TEFM: variants seen among roughly 807,000 people sequenced by gnomAD.
TEFM encodes the protein transcription elongation factor of mitochondria.
A neutral mutation model predicts 23.0 loss-of-function variants in TEFM; 14 were observed. The observed-to-expected ratio is 0.61, with a 90% CI of 0.40 to 0.95. TEFM has a LOEUF of 0.95. TEFM is among the 40% of genes least tolerant of loss of function. TEFM has a pLI of 0.00. For synonymous variants in TEFM, 155 were observed against 158.3 expected, an observed-to-expected ratio of 0.98 and a Z score of 0.16; for missense variants, 386 against 425.5, an observed-to-expected ratio of 0.91 and a Z score of 0.82.
chr17:30,904,396 C>T lies in TEFM; in HGVS notation c.165G>A (p.Lys55=). The T allele has an allele frequency of 6.2e-7, 1 of 1,614,164 alleles. No homozygotes were observed. Residue 55 remains lysine, a synonymous_variant, in exon 2 of 4, where the codon AAG becomes AAA. Transcript: ENST00000581216. ...PNVTFCDENA[K]EPENALDKLF... ...GCTTGTCAAGTGCATTTTCGGGCTC[C>T]TTTGCATTTTCATCACAAAAAGTAA...
chr17:30,904,461 G>C lies in TEFM; in HGVS notation c.100C>G (p.Arg34Gly), dbSNP rs201502850. The change falls in exon 2 of 4, where the codon CGG (arginine) becomes GGG (glycine). Residue 34 changes from arginine to glycine, a missense_variant. Transcript: ENST00000581216. ...LYWALHNFCCRKKSTTPKKIT... is the reference protein window; with the variant it reads ...LYWALHNFCCGKKSTTPKKIT... ...TTCTTAGGTGTAGTGGATTTTTTCC[G>C]ACAGCAGAAATTATGTAAGGCCCAG... 1.2e-6 allele frequency: 2 copies of C among 1,614,056 alleles called. No individual in the cohort carries two copies. Among genetic ancestry groups the C allele is most frequent in the South Asian group, 1.1e-5 (1 of 91,066 alleles).
Position 30,904,305 on chromosome 17 carries a change from CA to C in TEFM, c.255del (p.Glu86LysfsTer15), listed in dbSNP as rs1567706598. 1 of 1,614,234 alleles carries C rather than the reference CA, an allele frequency of 6.2e-7. No individual in the cohort carries two copies. Among genetic ancestry groups the C allele is most frequent in the Non-Finnish European group, 8.5e-7 (1 of 1,180,048 alleles). On this transcript the variant is annotated frameshift_variant, in exon 2 of 4. Transcript: ENST00000581216. LOFTEE classifies it high-confidence loss of function. ...HVLNTASTKE[L>X]EAFRLLRGRR... ...CTTCCACGAAGCAATCGGAAAGCTTCAAGTTCTTTAGTAGATGCTGTATTCA... is the reference window on the plus strand; with the variant it reads ...CTTCCACGAAGCAATCGGAAAGCTTCAGTTCTTTAGTAGATGCTGTATTCA...
At chr17:30,904,004 A>T (rs747019018) in intron 2 of TEFM, 62 bp downstream of exon 2, 2 of 1,463,976 alleles carry the variant, frequency 1.4e-6, no homozygotes, top group South Asian at 1.3e-5. Flanking sequence ...CAATGCCCAG[A>T]AGAGTGCTTT....
chr17:30,903,136 C>CAAAAAA (rs1173542105), intron 2 of TEFM, among the ~76,000 whole-genome samples: 5 of 67,112 alleles, frequency 7.5e-5, no homozygotes, highest in African/African-American at 1.6e-4. Flanking sequence ...GACTCTGTCT[C>CAAAAAA]AAAAAAAAAA....
rs1910122540 is a variant in TEFM, at chr17:30,904,466, C to A, written c.95G>T (p.Cys32Phe). The change falls in exon 2 of 4, where the codon TGC (cysteine) becomes TTC (phenylalanine). Residue 32 changes from cysteine to phenylalanine, a missense_variant. Transcript: ENST00000581216. ...AGGTGTAGTGGATTTTTTCCGACAG[C>A]AGAAATTATGTAAGGCCCAGTACAG... ...SSLYWALHNF[C>F]CRKKSTTPKK... 2 of 1,613,952 alleles carry A rather than the reference C, an allele frequency of 1.2e-6. No individual in the cohort carries two copies. The highest frequency in any genetic ancestry group is 2.2e-5 in the South Asian group (2 of 91,082).
intron 1 of TEFM, among the ~76,000 whole-genome samples, chr17:30,905,778 A>G (rs892863520): frequency 1.3e-5 from 2 of 152,174 alleles, no homozygotes. Context: ...AGCCACAGGA[A>G]AGTAATGTGG....
chr17:30,904,274 G>T lies in TEFM; in HGVS notation c.287C>A (p.Ser96Tyr). 6.2e-7 allele frequency: 1 copy of T among 1,614,186 alleles called. No individual in the cohort carries two copies. The highest frequency in any genetic ancestry group is 8.5e-7 in the Non-Finnish European group (1 of 1,180,036). ...TTCTCTGTGCTCTACGATATTGATGGACCTTCTTCCACGAAGCAATCGGAA... is the reference window on the plus strand; with the variant it reads ...TTCTCTGTGCTCTACGATATTGATGTACCTTCTTCCACGAAGCAATCGGAA... ...EAFRLLRGRR[S>Y]INIVEHRENF... Residue 96 changes from serine (S) to tyrosine (Y), a missense_variant, in exon 2 of 4, where the codon TCC becomes TAC. Ser to Tyr is a moderately radical substitution (Grantham distance 144). Coordinates refer to ENST00000581216, the MANE Select transcript of TEFM (RefSeq NM_024683.4).
At chr17:30,902,022 T>G (rs190290665) in intron 2 of TEFM, among the ~76,000 whole-genome samples, 10 of 152,264 alleles carry the variant, frequency 6.6e-5, no homozygotes, top group South Asian at 2.1e-4. Flanking sequence ...TTTTGTTTTG[T>G]TTTGGTTTGT....
At chr17:30,900,054 C>G (rs76615268) in intron 3 of TEFM, 6,550 of 342,738 alleles carry the variant, frequency 0.019, 88 homozygotes, top group Non-Finnish European at 0.025. Context: ...AATTCCTGAC[C>G]ATTAAGGTGA....
In TEFM at chr17:30,900,407, C is replaced by T; in HGVS notation, c.645+6G>A. The stretch of plus-strand genomic sequence containing the variant: ...AGGTAGGAATCTGGAGGTGCAACTG[C>T]CTTACCTCTTCTAAATAGACTGATG... On this transcript the variant is annotated splice_donor_region_variant and intron_variant, in intron 3 of 3. Transcript: ENST00000581216. 6.2e-7 allele frequency: 1 copy of T among 1,613,902 alleles called. No homozygotes were observed. The highest frequency in any genetic ancestry group is 1.1e-5 in the South Asian group (1 of 91,066).
chr17:30,903,227 G>T (rs1285190265), intron 2 of TEFM, among the ~76,000 whole-genome samples: 6 of 140,340 alleles, frequency 4.3e-5, no homozygotes, highest in African/African-American at 5.2e-5. Context: ...TTTTAGAATG[G>T]TGTTTTTTTT....
At chr17:30,903,164 T>G (rs1239746530) in intron 2 of TEFM, among the ~76,000 whole-genome samples, 1 of 142,276 alleles carries the variant, frequency 7.0e-6, no homozygotes, top group African/African-American at 2.6e-5. Context: ...AAAAATTGGC[T>G]GTGTCAAATA....
chr17:30,902,098 A>G, intron 2 of TEFM, among the ~76,000 whole-genome samples: 1 of 152,178 alleles, frequency 6.6e-6, no homozygotes, highest in East Asian at 1.9e-4. Context: ...AAGTAATTGA[A>G]TATTTAGATT....
In TEFM at chr17:30,904,308, G is replaced by A. The variant is rs1910118200; in HGVS notation, c.253C>T (p.Leu85Phe). ...CCACGAAGCAATCGGAAAGCTTCAA[G>A]TTCTTTAGTAGATGCTGTATTCAAC... is the stretch of plus-strand genomic sequence containing the variant. ...HVLNTASTKELEAFRLLRGRR... is the reference protein window; with the variant it reads ...HVLNTASTKEFEAFRLLRGRR... Residue 85 changes from leucine to phenylalanine, a missense_variant, in exon 2 of 4, where the codon CTT becomes TTT. Transcript: ENST00000581216. 1.2e-6 allele frequency: 2 copies of A among 1,614,108 alleles called. No homozygotes were observed. The highest frequency in any genetic ancestry group is 2.7e-5 in the African/African-American group (2 of 74,934).
chr17:30,904,182 C>T lies in TEFM; in HGVS notation c.379G>A (p.Val127Ile), dbSNP rs1193629103. ...CAAAGTATGGAGTTACAAACTTGAACTGTACTTTTATACTTAAACAAGGGC... is the reference window on the plus strand; with the variant it reads ...CAAAGTATGGAGTTACAAACTTGAATTGTACTTTTATACTTAAACAAGGGC... Reference protein sequence around the residue: ...NVPLFKYKSTVQVCNSILCPK... With the variant: ...NVPLFKYKSTIQVCNSILCPK... The change falls in exon 2 of 4, where the codon GTT becomes ATT. Residue 127 changes from valine to isoleucine, a missense_variant. Transcript: ENST00000581216. 1.2e-6 allele frequency: 2 copies of T among 1,614,142 alleles called. No homozygotes were observed. Among genetic ancestry groups the T allele is most frequent in the African/African-American group, 2.7e-5 (2 of 75,046 alleles).
In TEFM at chr17:30,906,227, T is replaced by A. The variant is rs755748067; in HGVS notation, c.-29A>T. ...CAAGTTGAATCAGTAGGTCCAGTCT[T>A]CCTCCATTGACTTCCGGTTCCTGCG... On this transcript the variant is annotated 5_prime_UTR_variant, in exon 1 of 4. Transcript: ENST00000581216. The A allele has an allele frequency of 1.2e-6, 2 of 1,614,234 alleles. No individual in the cohort carries two copies. Among genetic ancestry groups the A allele is most frequent in the East Asian group, 4.5e-5 (2 of 44,884 alleles).
At chr17:30,904,024 G>C (rs745691362) in intron 2 of TEFM, 42 bp downstream of exon 2, 1 of 1,548,828 alleles carries the variant, frequency 6.5e-7, no homozygotes, top group South Asian at 1.2e-5. Context: ...TCTAGAGTAG[G>C]TTCTCAAATA....
intron 2 of TEFM, among the ~76,000 whole-genome samples, chr17:30,903,620 A>G (rs1294347032): frequency 6.6e-6 from 1 of 151,894 alleles, no homozygotes; most frequent in Non-Finnish European, 1.5e-5. Context: ...ATTCTGCCGG[A>G]AAGACTGGTA....
rs368430428 is a variant in TEFM, at chr17:30,900,485, C to A, written c.573G>T (p.Val191=). 1.9e-6 allele frequency: 3 copies of A among 1,614,190 alleles called. No individual in the cohort carries two copies. In the African/African-American group the frequency reaches 4.0e-5, roughly 22 times the overall value. The change falls in exon 3 of 4, where the codon GTG becomes GTT. Residue 191 remains valine (V), a synonymous_variant. Coordinates refer to ENST00000581216, the MANE Select transcript of TEFM (RefSeq NM_024683.4). ...AWAHLDRKLT[V]LDWQQSDRWS... ...AACGGTCACTTTGCTGCCAGTCCAG[C>A]ACTGTCAACTTACGATCAAGGTGAG...
Sources: allele counts gnomAD v4.1 joint callset (sites outside exome capture counted in the v4.1 genomes callset), GRCh38; gene constraint gnomAD v4.1.1; transcripts MANE v1.5; gene names NCBI Gene and HGNC (gene_info 2026-07-23, HGNC 2026-07-21).